ANKRD11: variants seen among roughly 807,000 people sequenced by gnomAD.
ANKRD11 encodes the protein ankyrin repeat domain 11.
In ANKRD11, 17 loss-of-function variants were observed where a neutral mutation model predicts 195.7. The ratio of observed to expected loss-of-function variants is 0.09; its 90% CI spans 0.06 to 0.13. The LOEUF is 0.13. ANKRD11 is among the 10% of genes least tolerant of loss of function. The pLI is 1.00. For missense variants in ANKRD11, 3,735 were observed against 3,566.1 expected (o/e 1.05, Z -1.21); for synonymous variants, 1,953 against 1,528.1 (o/e 1.28, Z -6.49).
intron 2 of ANKRD11, among the ~76,000 whole-genome samples, chr16:89,334,046 TCAAGCCTGTAAAACAAG>T (rs1054812958): frequency 1.4e-5 from 2 of 147,368 alleles, no homozygotes; most frequent in African/African-American, 5.1e-5. Context: ...GTGCAGTGGC[TCAAGCCTGTAAAACAAG>T]CACTTTGGAA....
intron 2 of ANKRD11, among the ~76,000 whole-genome samples, chr16:89,405,161 T>C (rs1303729187): frequency 2.0e-5 from 3 of 151,556 alleles, no homozygotes; most frequent in Non-Finnish European, 4.4e-5. Context: ...GCCATTGCAC[T>C]CCAGCCTGGG....
chr16:89,456,957 CTTTTTTTTTT>C (rs56161810), intron 1 of ANKRD11, among the ~76,000 whole-genome samples: 26 of 138,212 alleles, frequency 1.9e-4, no homozygotes, highest in Non-Finnish European at 1.9e-4. Context: ...TTATGTGAGT[CTTTTTTTTTT>C]TTTTTTTTTT....
chr16:89,396,757 G>A (rs1341711730), intron 2 of ANKRD11, among the ~76,000 whole-genome samples: 1 of 152,136 alleles, frequency 6.6e-6, no homozygotes, highest in Non-Finnish European at 1.5e-5. Flanking sequence ...CGCCATCTTG[G>A]CTCACTGCAA....
intron 2 of ANKRD11, among the ~76,000 whole-genome samples, chr16:89,342,905 A>G (rs1200922301): frequency 1.3e-5 from 2 of 152,238 alleles, no homozygotes; most frequent in East Asian, 1.9e-4. Flanking sequence ...GAATGAAAAG[A>G]AGGCTCATAT....
At chr16:89,387,382 CTG>C (rs2040961110) in intron 2 of ANKRD11, among the ~76,000 whole-genome samples, 1 of 152,120 alleles carries the variant, frequency 6.6e-6, no homozygotes, top group African/African-American at 2.4e-5. Context: ...TCTATTAAGA[CTG>C]TGCTTGGGCC....
At chr16:89,349,903 CACACACACAT>C (rs1211097604) in intron 2 of ANKRD11, among the ~76,000 whole-genome samples, 1,620 of 134,422 alleles carry the variant, frequency 0.012, 37 homozygotes, top group African/African-American at 0.033. Context: ...CACACACACA[CACACACACAT>C]ATTCAAACAA....
chr16:89,475,133 C>CAGAGAAA (rs1260968120), intron 1 of ANKRD11, among the ~76,000 whole-genome samples: 1 of 152,122 alleles, frequency 6.6e-6, no homozygotes, highest in African/African-American at 2.4e-5. Flanking sequence ...CTGTGACGGG[C>CAGAGAAA]AGAGAAAGGC....
chr16:89,405,616 G>A (rs1261239112), intron 2 of ANKRD11, among the ~76,000 whole-genome samples: 1 of 151,528 alleles, frequency 6.6e-6, no homozygotes, highest in African/African-American at 2.4e-5. Flanking sequence ...TTACAGGCCT[G>A]AGCCGCCATG....
Position 89,288,518 on chromosome 16 carries a change from G to A in ANKRD11, c.744+10C>T, listed in dbSNP as rs776548701. 246 of 1,613,974 alleles carry A rather than the reference G, an allele frequency of 1.5e-4. No homozygotes were observed. Among genetic ancestry groups the A allele is most frequent in the Non-Finnish European group, 1.9e-4 (228 of 1,180,020 alleles). On this transcript the variant is annotated intron_variant, in intron 7 of 12. Transcript: ENST00000301030. Reference sequence around the variant, plus strand: ...CAGGCCGGATGTGTGAAGAACGGGGGGATGCCAACCTTGTAGTGCCCGTTG... The same window carrying A: ...CAGGCCGGATGTGTGAAGAACGGGGAGATGCCAACCTTGTAGTGCCCGTTG...
chr16:89,450,822 T>C (rs1313871223), intron 1 of ANKRD11, among the ~76,000 whole-genome samples: 5 of 152,164 alleles, frequency 3.3e-5, no homozygotes, highest in African/African-American at 1.2e-4. Context: ...AATTCTATTT[T>C]GTTCAATTTA....
intron 9 of ANKRD11, chr16:89,278,469 C>G (rs1460570976): frequency 2.2e-6 from 1 of 452,496 alleles, no homozygotes; most frequent in Non-Finnish European, 4.4e-6. Flanking sequence ...GGGGGTGATT[C>G]CGAGATGTTT....
At chr16:89,489,225 ACG>A (rs35997704) in intron 1 of ANKRD11, 7,396 of 148,902 alleles carry the variant, frequency 0.05, 405 homozygotes, top group African/African-American at 0.15. Flanking sequence ...ACACACACAC[ACG>A]CGCGCGCGCG....
At position 89,283,372 on chromosome 16, in the gene ANKRD11, T is replaced by A. The variant is rs771763479; in HGVS notation, c.3170A>T (p.Lys1057Ile). 6.2e-7 allele frequency: 1 copy of A among 1,613,910 alleles called. No individual in the cohort carries two copies. Among genetic ancestry groups the A allele is most frequent in the Non-Finnish European group, 8.5e-7 (1 of 1,180,034 alleles). Residue 1057 changes from lysine to isoleucine, a missense_variant, in exon 9 of 13, where the codon AAA becomes ATA. Coordinates refer to ENST00000301030, the MANE Select transcript of ANKRD11 (RefSeq NM_013275.6). The surrounding 1 kb of genome is among the most constrained non-coding windows in gnomAD (Gnocchi z 4.3). ...TTTTTCCTTGGTATCTTTTTTCTCTTTAAAACATTTATCAAATTCTTTGTC... is the reference window on the plus strand; with the variant it reads ...TTTTTCCTTGGTATCTTTTTTCTCTATAAAACATTTATCAAATTCTTTGTC... ...QKDKEFDKCFKEKKDTKEKHK... is the reference protein window; with the variant it reads ...QKDKEFDKCFIEKKDTKEKHK...
At chr16:89,476,287 C>A (rs12446145) in intron 1 of ANKRD11, among the ~76,000 whole-genome samples, 3 of 151,860 alleles carry the variant, frequency 2.0e-5, no homozygotes, top group African/African-American at 7.3e-5. Flanking sequence ...CTTGTCACAG[C>A]CTTAATAACC....
At chr16:89,428,656 G>T (rs975929388) in intron 1 of ANKRD11, among the ~76,000 whole-genome samples, 2 of 152,114 alleles carry the variant, frequency 1.3e-5, no homozygotes, top group African/African-American at 4.8e-5. Context: ...AGCACTTTGG[G>T]AGGCCGAAGT....
At chr16:89,382,656 C>G (rs529772444) in intron 2 of ANKRD11, among the ~76,000 whole-genome samples, 1 of 151,894 alleles carries the variant, frequency 6.6e-6, no homozygotes, top group Non-Finnish European at 1.5e-5. Flanking sequence ...ACAATTCCCC[C>G]CCTCCAGTAG....
chr16:89,440,181 A>G (rs992865612), intron 1 of ANKRD11, among the ~76,000 whole-genome samples: 7 of 152,246 alleles, frequency 4.6e-5, no homozygotes, highest in African/African-American at 7.2e-5. Context: ...CAGGGTTCAC[A>G]GGATTCTTCC....
At chr16:89,287,641 G>C (rs889889887) in intron 7 of ANKRD11, 2 of 158,232 alleles carry the variant, frequency 1.3e-5, no homozygotes, top group African/African-American at 4.8e-5. Context: ...ATAAACCATA[G>C]TGCCATTCAT....
intron 2 of ANKRD11, among the ~76,000 whole-genome samples, chr16:89,378,266 G>A (rs1225819637): frequency 6.6e-6 from 1 of 152,162 alleles, no homozygotes; most frequent in Non-Finnish European, 1.5e-5. Flanking sequence ...TGATCAGGAA[G>A]GCACTGGTCA....
Sources: allele counts gnomAD v4.1 joint callset (sites outside exome capture counted in the v4.1 genomes callset), GRCh38; gene constraint gnomAD v4.1.1; non-coding constraint Gnocchi (gnomAD v3.1); transcripts MANE v1.5; gene names NCBI Gene and HGNC (gene_info 2026-07-23, HGNC 2026-07-21).